EYS: variants seen among roughly 807,000 people sequenced by gnomAD.
EYS encodes EGF-like photoreceptor maintenance factor, also known as protein eyes shut homolog.
EYS carries 250 observed loss-of-function variants against 282.1 expected under a neutral mutation model. The observed-to-expected ratio is 0.89, with a 90% CI of 0.80 to 0.98. EYS has a LOEUF of 0.98. Ranked by LOEUF, EYS falls within the 50% of genes least tolerant of loss-of-function variation. The pLI, the probability that EYS is intolerant of heterozygous loss-of-function variation, is 0.00. For missense variants in EYS, 4,016 were observed against 3,709.0 expected (o/e 1.08, Z -2.15); for synonymous variants, 1,355 against 1,282.9 (o/e 1.06, Z -1.20).
chr6:65,517,282 A>C (rs1334474080), intron 2 of EYS, among the ~76,000 whole-genome samples: 1 of 151,798 alleles, frequency 6.6e-6, no homozygotes, highest in Non-Finnish European at 1.5e-5. Flanking sequence ...CCATTTTTTA[A>C]ATAAAAATAA....
chr6:64,015,991 GAAAC>G (rs1220605904), intron 33 of EYS, among the ~76,000 whole-genome samples: 1 of 152,180 alleles, frequency 6.6e-6, no homozygotes, highest in African/African-American at 2.4e-5. Context: ...AGGAAACAAA[GAAAC>G]AAACAAAGGA....
intron 5 of EYS, among the ~76,000 whole-genome samples, chr6:65,415,119 G>A (rs556070428): frequency 8.5e-5 from 13 of 152,200 alleles, no homozygotes; most frequent in East Asian, 5.8e-4. Flanking sequence ...TAGCAATGGC[G>A]ATTTAATAAA....
chr6:64,607,934 A>G (rs931234286), intron 24 of EYS, among the ~76,000 whole-genome samples: 4 of 152,136 alleles, frequency 2.6e-5, no homozygotes, highest in Non-Finnish European at 5.9e-5. Context: ...ACATCACAAA[A>G]TTGTTTTAAT....
chr6:64,126,140 G>A (rs1773778835), intron 31 of EYS, among the ~76,000 whole-genome samples: 1 of 152,084 alleles, frequency 6.6e-6, no homozygotes, highest in Non-Finnish European at 1.5e-5. Flanking sequence ...GTGGAAGACA[G>A]TGTGGTGATT....
At chr6:63,814,187 A>G (rs1771120743) in intron 36 of EYS, among the ~76,000 whole-genome samples, 2 of 152,220 alleles carry the variant, frequency 1.3e-5, no homozygotes, top group African/African-American at 2.4e-5. Flanking sequence ...GTTCAGCATT[A>G]TCATTTAGAA....
chr6:64,300,914 C>A (rs550788603), intron 30 of EYS, among the ~76,000 whole-genome samples: 9 of 152,288 alleles, frequency 5.9e-5, no homozygotes, highest in African/African-American at 1.9e-4. Flanking sequence ...AACAGTCCTA[C>A]CATGTGTCAG....
Position 65,707,190 on chromosome 6 carries a change from T to G in EYS, c.-503A>C, listed in dbSNP as rs1769911484. On this transcript the variant is annotated 5_prime_UTR_variant, in exon 1 of 43. Coordinates refer to ENST00000503581, the MANE Select transcript of EYS (RefSeq NM_001142800.2). Reference sequence around the variant, plus strand: ...CTAGGAGGCTTCTGATTACGGTTAATGTCTGGACATGCCTAGCGTGTATCA... The same window carrying G: ...CTAGGAGGCTTCTGATTACGGTTAAGGTCTGGACATGCCTAGCGTGTATCA... 1 of 152,166 alleles carries G rather than the reference T, an allele frequency of 6.6e-6. No individual in the cohort carries two copies. Among genetic ancestry groups the G allele is most frequent in the Non-Finnish European group, 1.5e-5 (1 of 68,020 alleles). 9.4% of individuals were successfully genotyped at this position (152,166 alleles called of 1,614,324 possible). A position where few individuals can be genotyped will look rare whatever the true frequency, so the allele number is the denominator to read the frequency against.
intron 8 of EYS, among the ~76,000 whole-genome samples, chr6:65,364,647 C>A (rs968348596): frequency 6.6e-6 from 1 of 151,406 alleles, no homozygotes; most frequent in Non-Finnish European, 1.5e-5. Flanking sequence ...GGCATTTTAA[C>A]GAGATAGTTC....
chr6:65,648,706 A>AG (rs1488480878), intron 1 of EYS, among the ~76,000 whole-genome samples: 1 of 113,096 alleles, frequency 8.8e-6, no homozygotes, highest in Non-Finnish European at 2.2e-5. Context: ...ACCTATTGAA[A>AG]TAAAAAAAAA....
chr6:64,670,549 A>G (rs752930022), intron 22 of EYS, among the ~76,000 whole-genome samples: 2 of 152,170 alleles, frequency 1.3e-5, no homozygotes, highest in Non-Finnish European at 2.9e-5. Context: ...AGTTGTTTAC[A>G]CTTCAAAACA....
At chr6:65,345,328 A>G (rs894142151) in intron 9 of EYS, among the ~76,000 whole-genome samples, 6 of 151,876 alleles carry the variant, frequency 4.0e-5, no homozygotes, top group Non-Finnish European at 8.8e-5. Flanking sequence ...TGATAGGTCA[A>G]TAAAAATTCT....
chr6:65,515,206 G>A (rs548554751), intron 2 of EYS, among the ~76,000 whole-genome samples: 29 of 151,570 alleles, frequency 1.9e-4, no homozygotes, highest in African/African-American at 4.8e-4. Flanking sequence ...ACCATCACTG[G>A]CCATCAGAGA....
At chr6:64,185,570 T>A (rs2150313845) in intron 31 of EYS, among the ~76,000 whole-genome samples, 1 of 152,292 alleles carries the variant, frequency 6.6e-6, no homozygotes, top group East Asian at 1.9e-4. Context: ...ACTATGAACC[T>A]GCTTTAAAAA....
At chr6:65,569,869 A>C (rs1175841657) in intron 2 of EYS, among the ~76,000 whole-genome samples, 1 of 152,180 alleles carries the variant, frequency 6.6e-6, no homozygotes, top group East Asian at 1.9e-4. Context: ...TCTTCCTTTC[A>C]GACTGCTCTG....
intron 26 of EYS, among the ~76,000 whole-genome samples, chr6:64,562,649 T>C (rs1432078373): frequency 1.3e-5 from 2 of 151,910 alleles, no homozygotes; most frequent in African/African-American, 2.4e-5. Context: ...AGATCTGAAC[T>C]GGGAAGATTT....
At chr6:64,857,217 C>A (rs1490140934) in intron 19 of EYS, among the ~76,000 whole-genome samples, 2 of 152,120 alleles carry the variant, frequency 1.3e-5, no homozygotes, top group South Asian at 2.1e-4. Flanking sequence ...AATACATGCA[C>A]TGAATGCCAT....
intron 12 of EYS, among the ~76,000 whole-genome samples, chr6:65,095,436 C>T (rs534783398): frequency 1.4e-5 from 2 of 147,926 alleles, no homozygotes; most frequent in Non-Finnish European, 3.0e-5. Context: ...TAAAAGTTGT[C>T]ACCAGAAAAA....
At chr6:64,477,571 C>A (rs188729540) in intron 26 of EYS, among the ~76,000 whole-genome samples, 2 of 152,038 alleles carry the variant, frequency 1.3e-5, no homozygotes, top group African/African-American at 4.8e-5. Flanking sequence ...CACCTCCTGA[C>A]CCACGGCCAC....
At chr6:64,045,170 C>G (rs1005286034) in intron 33 of EYS, among the ~76,000 whole-genome samples, 3 of 152,004 alleles carry the variant, frequency 2.0e-5, no homozygotes, top group Non-Finnish European at 4.4e-5. Flanking sequence ...ATGTGTGCAT[C>G]CTTTGGCTAC....
Sources: gnomAD v4.1 joint callset for allele counts (sites outside exome capture counted in the v4.1 genomes callset) on GRCh38, gnomAD v4.1.1 for gene constraint, MANE v1.5 for transcripts, NCBI Gene and HGNC (gene_info 2026-07-23, HGNC 2026-07-21) for gene names.